FARSA: variants seen among roughly 807,000 people sequenced by gnomAD.
FARSA encodes phenylalanyl-tRNA synthetase subunit alpha.
FARSA carries 37 observed loss-of-function variants against 63.2 expected under a neutral mutation model. The ratio of observed to expected loss-of-function variants is 0.59; its 90% CI spans 0.45 to 0.77. FARSA has a LOEUF of 0.77. Ranked by LOEUF, FARSA falls within the 30% of genes least tolerant of loss-of-function variation. The probability of loss-of-function intolerance (pLI) is 0.00; values close to 1 mark genes in which losing one functional copy is unlikely to be tolerated. For missense variants in FARSA, 618 were observed against 696.6 expected, an observed-to-expected ratio of 0.89 and a Z score of 1.27; for synonymous variants, 312 against 285.1, an observed-to-expected ratio of 1.09 and a Z score of -0.95.
intron 12 of FARSA, 21 bp from the exon 13 acceptor site, chr19:12,922,907 G>A (rs1396799087): frequency 1.2e-6 from 2 of 1,614,024 alleles, no homozygotes; most frequent in Non-Finnish European, 1.7e-6. Flanking sequence ...AGGGAACAGA[G>A]TTTATCATGA....
rs1971276801 is a variant in FARSA at position 12,922,643 on chromosome 19, GC to G, written c.*104del. 7.1e-7 allele frequency: 1 copy of G among 1,405,434 alleles called. No homozygotes were observed. 87.1% of individuals were successfully genotyped at this position (1,405,434 alleles called of 1,614,324 possible). A position where few individuals can be genotyped will look rare whatever the true frequency, so the allele number is the denominator to read the frequency against. ...ACAGGTGGGAAAGAGGAAGGTGGGG[GC>G]TGGCCTCACAGAGGCCTCATAAATA... is the stretch of plus-strand genomic sequence containing the variant. On this transcript the variant is annotated 3_prime_UTR_variant, in exon 13 of 13. Transcript: ENST00000314606.
At position 12,928,591 on chromosome 19, in the gene FARSA, G is replaced by C. The variant is rs1479513777; in HGVS notation, c.669C>G (p.His223Gln). The C allele has an allele frequency of 6.2e-7, 1 of 1,613,516 alleles. No homozygotes were observed. The highest frequency in any genetic ancestry group is 1.7e-5 in the Admixed American group (1 of 59,912). Residue 223 changes from histidine to glutamine, a missense_variant, in exon 6 of 13, where the codon CAC (histidine) becomes CAG (glutamine). His to Gln is a conservative substitution (Grantham distance 24). Coordinates refer to ENST00000314606, the MANE Select transcript of FARSA (RefSeq NM_004461.3). ...AGCGGACCTTGAGCAGCGGGTGAAG[G>C]TGGCCGCTGTCGGGGAGGACACCGT... Reference protein sequence around the residue: ...LAHGVLPDSGHLHPLLKVRSQ... With the variant: ...LAHGVLPDSGQLHPLLKVRSQ...
chr19:12,933,704 T>C lies in FARSA; in HGVS notation c.-8A>G, dbSNP rs1971421544. 2.8e-6 allele frequency: 4 copies of C among 1,410,156 alleles called. No individual in the cohort carries two copies. The highest frequency in any genetic ancestry group is 3.9e-6 in the Non-Finnish European group (4 of 1,032,314). The allele number at this position is 1,410,156 out of a possible 1,614,324, so 87.4% of individuals were successfully genotyped here. A position where few individuals can be genotyped will look rare whatever the true frequency, so the allele number is the denominator to read the frequency against. On this transcript the variant is annotated 5_prime_UTR_variant, in exon 1 of 13. Coordinates refer to ENST00000314606, the MANE Select transcript of FARSA (RefSeq NM_004461.3). ...CACCTGACCATCCGCCATGACTCCT[T>C]CCAGTGTGCTCAGCGTGTCCGGGCC...
chr19:12,933,445 A>C (rs1599655177), intron 1 of FARSA, 105 bp downstream of exon 1: 1 of 1,369,358 alleles, frequency 7.3e-7, no homozygotes, highest in East Asian at 2.6e-5. Context: ...ATATACAGCT[A>C]CCCCAAACTA....
At chr19:12,927,362 G>T (rs1298051402) in intron 7 of FARSA, among the ~76,000 whole-genome samples, 1 of 152,216 alleles carries the variant, frequency 6.6e-6, no homozygotes, top group African/African-American at 2.4e-5. Flanking sequence ...CACTTTGGGA[G>T]GCTGAGGCAA....
At chr19:12,931,294 T>G (rs1971392251) in intron 1 of FARSA, among the ~76,000 whole-genome samples, 1 of 152,054 alleles carries the variant, frequency 6.6e-6, no homozygotes, top group South Asian at 2.1e-4. Flanking sequence ...GACGGAGTCT[T>G]GCACTGTCGC....
chr19:12,922,994 T>A (rs925013625), intron 12 of FARSA, 108 bp from the exon 13 acceptor site: 3 of 1,487,376 alleles, frequency 2.0e-6, no homozygotes, highest in Admixed American at 1.7e-5. Flanking sequence ...GTTCTCCCCA[T>A]GACCCACAGG....
At position 12,924,384 on chromosome 19, in the gene FARSA, G is replaced by A; in HGVS notation, c.1273+65C>T. On this transcript the variant is annotated intron_variant, in intron 11 of 12. Transcript: ENST00000314606. The surrounding 1 kb of genome is among the most constrained non-coding windows in gnomAD (Gnocchi z 6.4). ...TGGGGTACAGGCATGGCAATGGGGG[G>A]ACCCAGGCCAAACCATAGTAGCCTG... 6.4e-7 allele frequency: 1 copy of A among 1,570,046 alleles called. No homozygotes were observed. The highest frequency in any genetic ancestry group is 8.7e-7 in the Non-Finnish European group (1 of 1,144,746).
intron 1 of FARSA, chr19:12,933,329 T>C (rs900911770): frequency 3.6e-6 from 2 of 563,258 alleles, no homozygotes; most frequent in Middle Eastern, 4.5e-4. Flanking sequence ...TCGTACCCTC[T>C]ACCCACGCTG....
At chr19:12,927,128 G>A (rs1166181931) in intron 7 of FARSA, among the ~76,000 whole-genome samples, 2 of 152,220 alleles carry the variant, frequency 1.3e-5, no homozygotes, top group Admixed American at 6.5e-5. Flanking sequence ...AGGGGAGAAG[G>A]GCTTCTGTAG....
chr19:12,930,214 C>T lies in FARSA; in HGVS notation c.503+9G>A. ...TGGGGGCCTGAGCCTGCAGGGGGCA[C>T]CCACTCACACTTCAGCCAACAGCTT... On this transcript the variant is annotated intron_variant, in intron 4 of 12. Transcript: ENST00000314606. 1 of 1,608,274 alleles carries T rather than the reference C, an allele frequency of 6.2e-7. No homozygotes were observed. Among genetic ancestry groups the T allele is most frequent in the Non-Finnish European group, 8.5e-7 (1 of 1,174,852 alleles).
chr19:12,930,186 T>C (rs1325307712), intron 4 of FARSA, 37 bp downstream of exon 4: 1 of 1,517,518 alleles, frequency 6.6e-7, no homozygotes, highest in East Asian at 2.3e-5. Context: ...GCTTCGCAGG[T>C]GGTGGGGGCC....
intron 4 of FARSA, 81 bp downstream of exon 4, chr19:12,930,142 G>T: frequency 8.9e-7 from 1 of 1,128,052 alleles, no homozygotes; most frequent in Non-Finnish European, 1.3e-6. Flanking sequence ...CTTGGTGTGG[G>T]CAAGATGTCT....
In FARSA at chr19:12,933,669, G is replaced by C; in HGVS notation, c.28C>G (p.Leu10Val). 6.4e-7 allele frequency: 1 copy of C among 1,571,054 alleles called. No individual in the cohort carries two copies. The highest frequency in any genetic ancestry group is 8.6e-7 in the Non-Finnish European group (1 of 1,162,370). ...TCAGACGCCTCCAGCCGCCGGAGCA[G>C]CAGTTCCGCCACCTGACCATCCGCC... is the stretch of plus-strand genomic sequence containing the variant. MADGQVAEL[L>V]LRRLEASDGG... Residue 10 changes from leucine to valine, a missense_variant, in exon 1 of 13, where the codon CTG (leucine) becomes GTG (valine). Transcript: ENST00000314606.
chr19:12,927,435 A>G (rs1971339163), intron 7 of FARSA, among the ~76,000 whole-genome samples: 1 of 152,152 alleles, frequency 6.6e-6, no homozygotes, highest in Admixed American at 6.6e-5. Context: ...AAACAAAACA[A>G]AAATTCATTA....
At chr19:12,928,491 T>C in intron 6 of FARSA, 34 bp from the exon 7 acceptor site, 2 of 1,613,894 alleles carry the variant, frequency 1.2e-6, no homozygotes, top group Non-Finnish European at 1.7e-6. Flanking sequence ...GCCCTGCCTG[T>C]ACCCAGCAGA....
At position 12,933,559 on chromosome 19, in the gene FARSA, C is replaced by T; in HGVS notation, c.138G>A (p.Ala46=). 1 of 1,544,358 alleles carries T rather than the reference C, an allele frequency of 6.5e-7. No homozygotes were observed. The highest frequency in any genetic ancestry group is 2.4e-5 in the East Asian group (1 of 41,308). ...CACGGGCCCGGCTCACCTCGCCCAG[C>T]GCCTGAAGGCTCTTCACGGCGCCCA... The part of the protein sequence containing the change: ...AVVGAVKSLQ[A]LGEVIEAELR... The change falls in exon 1 of 13, where the codon GCG becomes GCA. Residue 46 remains alanine (A), a synonymous_variant. Coordinates refer to ENST00000314606, the MANE Select transcript of FARSA (RefSeq NM_004461.3).
At chr19:12,932,293 A>G (rs1156427732) in intron 1 of FARSA, among the ~76,000 whole-genome samples, 1 of 152,122 alleles carries the variant, frequency 6.6e-6, no homozygotes, top group Non-Finnish European at 1.5e-5. Flanking sequence ...GGTCTCCCAA[A>G]GTGCTGGGAT....
Position 12,924,887 on chromosome 19 carries a change from G to T in FARSA, c.1026+17C>A. 6.2e-7 allele frequency: 1 copy of T among 1,614,104 alleles called. No individual in the cohort carries two copies. The highest frequency in any genetic ancestry group is 8.5e-7 in the Non-Finnish European group (1 of 1,179,938). On this transcript the variant is annotated intron_variant, in intron 9 of 12. Coordinates refer to ENST00000314606, the MANE Select transcript of FARSA (RefSeq NM_004461.3). This position sits in a 1 kb window ranked among gnomAD's most constrained non-coding sequence, Gnocchi z 6.4. ...GCACCCTCTCCCCACTGGGGCCCCC[G>T]CCTGGGCCAACCGCACCTTCTGGGC...
Sources: gnomAD v4.1 joint callset for allele counts (sites outside exome capture counted in the v4.1 genomes callset) on GRCh38, gnomAD v4.1.1 for gene constraint, Gnocchi (gnomAD v3.1) non-coding constraint, MANE v1.5 for transcripts, NCBI Gene and HGNC (gene_info 2026-07-23, HGNC 2026-07-21) for gene names.